Variants in PTPRD observed in about 807,000 individuals in gnomAD.
PTPRD encodes the protein protein tyrosine phosphatase receptor type D.
A neutral mutation model predicts 214.5 loss-of-function variants in PTPRD; 34 were observed. The observed-to-expected ratio is 0.16, with a 90% CI of 0.12 to 0.21. The LOEUF (loss-of-function observed/expected upper bound fraction) is 0.21. Ranked by LOEUF, PTPRD falls within the 10% of genes least tolerant of loss-of-function variation. The pLI, the probability that PTPRD is intolerant of heterozygous loss-of-function variation, is 1.00. For missense variants in PTPRD, 2,545 were observed against 2,398.7 expected (o/e 1.06, Z -1.27); for synonymous variants, 1,128 against 845.7 (o/e 1.33, Z -5.79).
intron 3 of PTPRD, among the ~76,000 whole-genome samples, chr9:10,112,270 G>A (rs1341507932): frequency 6.6e-6 from 1 of 152,184 alleles, no homozygotes; most frequent in Non-Finnish European, 1.5e-5. Flanking sequence ...GTTTCTTGGA[G>A]CATGTGGTTG....
chr9:9,838,711 T>C (rs892806217), intron 5 of PTPRD, among the ~76,000 whole-genome samples: 21 of 152,094 alleles, frequency 1.4e-4, no homozygotes, highest in Non-Finnish European at 2.6e-4. Context: ...CCCATTTTTT[T>C]AGGTTGCCTG....
At chr9:10,555,005 G>C (rs2062185182) in intron 2 of PTPRD, among the ~76,000 whole-genome samples, 2 of 152,158 alleles carry the variant, frequency 1.3e-5, no homozygotes, top group African/African-American at 4.8e-5. Context: ...ATAAGAATGT[G>C]TTAGAGTAGT....
rs796453880 is a variant in PTPRD, at chr9:8,811,384, C to T, written c.-103-77438G>A. 9.9e-5 allele frequency among the ~76,000 whole-genome samples: 15 copies of T among 152,264 alleles called. 1 individual carries two copies. The highest frequency in any genetic ancestry group is 3.6e-4 in the African/African-American group (15 of 41,552). On this transcript the variant is annotated intron_variant, in intron 11 of 45. Coordinates refer to ENST00000381196, the MANE Select transcript of PTPRD (RefSeq NM_002839.4). ...AGCACAACCTGTTTATGACCTCCAG[C>T]ACCTGGGTTAAGGTAGGAGTACAAT...
At chr9:10,495,973 A>G (rs1002138403) in intron 2 of PTPRD, among the ~76,000 whole-genome samples, 1 of 151,826 alleles carries the variant, frequency 6.6e-6, no homozygotes, top group East Asian at 1.9e-4. Flanking sequence ...CATGTGTTTC[A>G]TAACATCAAT....
At chr9:10,003,340 G>C (rs926694056) in intron 4 of PTPRD, among the ~76,000 whole-genome samples, 1 of 151,708 alleles carries the variant, frequency 6.6e-6, no homozygotes, top group Admixed American at 6.6e-5. Context: ...GATGATGCAG[G>C]ACCACTGAAT....
chr9:8,893,618 C>G (rs915661464), intron 11 of PTPRD, among the ~76,000 whole-genome samples: 2 of 152,168 alleles, frequency 1.3e-5, no homozygotes, highest in African/African-American at 4.8e-5. Context: ...TTTGAGAGCA[C>G]TTTGGCACAA....
intron 2 of PTPRD, among the ~76,000 whole-genome samples, chr9:10,545,911 G>A (rs1374368715): frequency 6.6e-6 from 1 of 152,102 alleles, no homozygotes; most frequent in Non-Finnish European, 1.5e-5. Flanking sequence ...TGGATTCCCT[G>A]ATCAAATTAG....
At chr9:9,937,426 T>TA (rs35495271) in intron 5 of PTPRD, among the ~76,000 whole-genome samples, 56,680 of 144,572 alleles carry the variant, frequency 0.39, 11,284 homozygotes, top group East Asian at 0.7. Flanking sequence ...CATAGATAAA[T>TA]AAAAAAAAAA....
intron 11 of PTPRD, among the ~76,000 whole-genome samples, chr9:8,769,907 T>C (rs2154483787): frequency 6.6e-6 from 1 of 152,082 alleles, no homozygotes; most frequent in East Asian, 1.9e-4. Flanking sequence ...GTTTAAAAAA[T>C]GGACATTCAC....
chr9:8,713,642 G>A (rs1414591415), intron 12 of PTPRD: 2 of 1,525,946 alleles, frequency 1.3e-6, no homozygotes, highest in African/African-American at 1.4e-5. Flanking sequence ...CAGTGCTACC[G>A]AGACATGGGC....
rs1202079054 is a variant in PTPRD, at chr9:8,499,694, G to A, written c.2275C>T (p.Pro759Ser). ...TCTTTCAGCATGGGCTGGCCCTTGGGCTCACCATTTTCCATCCTCACATAA... is the reference window on the plus strand; with the variant it reads ...TCTTTCAGCATGGGCTGGCCCTTGGACTCACCATTTTCCATCCTCACATAA... ...VHYVRMENGE[P>S]KGQPMLKDVM... is the part of the protein sequence containing the mutation. Residue 759 changes from proline (P) to serine (S), a missense_variant, in exon 25 of 46, where the codon CCC becomes TCC. By Grantham distance (74) the Pro-to-Ser change is moderately conservative. Transcript: ENST00000381196. The A allele has an allele frequency of 1.2e-6, 2 of 1,613,876 alleles. No individual in the cohort carries two copies. Among genetic ancestry groups the A allele is most frequent in the Middle Eastern group, 1.6e-4 (1 of 6,084 alleles).
chr9:8,644,205 G>A (rs1238169339), intron 12 of PTPRD, among the ~76,000 whole-genome samples: 1 of 151,800 alleles, frequency 6.6e-6, no homozygotes, highest in East Asian at 1.9e-4. Context: ...GCTTAACAGA[G>A]AGGAGCTACC....
intron 9 of PTPRD, among the ~76,000 whole-genome samples, chr9:9,282,976 A>G (rs1242744907): frequency 1.3e-5 from 2 of 151,456 alleles, no homozygotes; most frequent in Non-Finnish European, 3.0e-5. Context: ...ACATTCTTCC[A>G]CAGGGGACAA....
At chr9:9,162,323 A>G (rs1381055799) in intron 10 of PTPRD, among the ~76,000 whole-genome samples, 3 of 152,052 alleles carry the variant, frequency 2.0e-5, no homozygotes, top group Admixed American at 6.6e-5. Flanking sequence ...CTTAATTCCC[A>G]TTCCTGACAG....
chr9:9,758,027 A>C (rs956009659), intron 6 of PTPRD, among the ~76,000 whole-genome samples: 1 of 151,874 alleles, frequency 6.6e-6, no homozygotes, highest in Admixed American at 6.6e-5. Context: ...TCTGCCGGTG[A>C]GCCTCTCGTG....
intron 2 of PTPRD, among the ~76,000 whole-genome samples, chr9:10,533,912 T>G (rs1250474146): frequency 6.6e-6 from 1 of 151,482 alleles, no homozygotes; most frequent in Non-Finnish European, 1.5e-5. Flanking sequence ...TATTAGGAAG[T>G]TTTTTTTAAT....
intron 6 of PTPRD, among the ~76,000 whole-genome samples, chr9:9,760,775 G>A (rs192706690): frequency 6.6e-6 from 1 of 152,242 alleles, no homozygotes; most frequent in East Asian, 1.9e-4. Flanking sequence ...GACAGATGGT[G>A]AGTAACCACA....
At chr9:9,993,819 T>A (rs1011765043) in intron 4 of PTPRD, among the ~76,000 whole-genome samples, 1 of 152,218 alleles carries the variant, frequency 6.6e-6, no homozygotes, top group Non-Finnish European at 1.5e-5. Context: ...AAACAGAATC[T>A]GCTTTTCTCC....
chr9:8,454,281 C>T (rs925034718), intron 33 of PTPRD, among the ~76,000 whole-genome samples: 4 of 152,222 alleles, frequency 2.6e-5, no homozygotes, highest in African/African-American at 4.8e-5. Flanking sequence ...TCTGTAAACA[C>T]ATCAACACAC....
Sources: allele counts gnomAD v4.1 joint callset (sites outside exome capture counted in the v4.1 genomes callset), GRCh38; gene constraint gnomAD v4.1.1; transcripts MANE v1.5; gene names NCBI Gene and HGNC (gene_info 2026-07-23, HGNC 2026-07-21).